ARID4B: variants seen among roughly 807,000 people sequenced by gnomAD.
ARID4B encodes AT-rich interaction domain 4B, also known as AT-rich interactive domain-containing protein 4B.
A neutral mutation model predicts 147.5 loss-of-function variants in ARID4B; 26 were observed. The ratio of observed to expected loss-of-function variants is 0.18; its 90% CI spans 0.13 to 0.24. ARID4B has a LOEUF of 0.24. ARID4B is among the 10% of genes least tolerant of loss of function. ARID4B has a pLI of 1.00. For synonymous variants in ARID4B, 512 were observed against 507.9 expected (o/e 1.01, Z -0.11); for missense variants, 1,179 against 1,511.5 (o/e 0.78, Z 3.65).
chr1:235,231,050 A>T, intron 10 of ARID4B, 63 bp downstream of exon 10: 2 of 1,162,928 alleles, frequency 1.7e-6, no homozygotes, highest in Non-Finnish European at 2.5e-6. Flanking sequence ...AGAAAAATTT[A>T]ATCTTCAAAA....
chr1:235,189,399 C>CAAAAAAAAAAAA, intron 19 of ARID4B, among the ~76,000 whole-genome samples: 1 of 58,920 alleles, frequency 1.7e-5, no homozygotes, highest in Non-Finnish European at 2.8e-5. Context: ...GACTCAGTCT[C>CAAAAAAAAAAAA]AAAAAAAAAA....
chr1:235,243,957 TGATA>T (rs1394521922), intron 7 of ARID4B, among the ~76,000 whole-genome samples: 3 of 152,176 alleles, frequency 2.0e-5, no homozygotes, highest in African/African-American at 4.8e-5. Context: ...GAATTAGTGA[TGATA>T]GTTACACAAT....
chr1:235,298,470 T>C (rs889188017), intron 2 of ARID4B, among the ~76,000 whole-genome samples: 6 of 149,296 alleles, frequency 4.0e-5, no homozygotes, highest in African/African-American at 1.5e-4. Context: ...TATATCCATA[T>C]ATATGAATAT....
chr1:235,179,879 G>A (rs570998473), intron 20 of ARID4B, among the ~76,000 whole-genome samples: 1 of 151,842 alleles, frequency 6.6e-6, no homozygotes, highest in African/African-American at 2.4e-5. Flanking sequence ...GACCATCCTG[G>A]CTAACATGGC....
intron 2 of ARID4B, among the ~76,000 whole-genome samples, chr1:235,277,622 G>GTT (rs1279119398): frequency 7.4e-6 from 1 of 135,490 alleles, no homozygotes; most frequent in African/African-American, 2.7e-5. Context: ...GTGTGTGTGT[G>GTT]TGTGTGTGTG....
chr1:235,305,747 C>T (rs1572202830), intron 2 of ARID4B, among the ~76,000 whole-genome samples: 1 of 152,016 alleles, frequency 6.6e-6, no homozygotes, highest in African/African-American at 2.4e-5. Context: ...TCACTTGAAC[C>T]GGGGAGTTCA....
At chr1:235,194,602 C>G (rs1665361968) in intron 18 of ARID4B, among the ~76,000 whole-genome samples, 1 of 152,080 alleles carries the variant, frequency 6.6e-6, no homozygotes, top group Admixed American at 6.6e-5. Flanking sequence ...AGGTGGATCA[C>G]CTGAGGTCAG....
At chr1:235,174,773 C>T (rs535493918) in intron 22 of ARID4B, among the ~76,000 whole-genome samples, 266 of 151,880 alleles carry the variant, frequency 1.8e-3, no homozygotes, top group African/African-American at 5.0e-3. Context: ...GACTATGCCA[C>T]TGCACTGCAC....
rs1472312380 is a variant in ARID4B at position 235,302,948 on chromosome 1, C to T, written c.6+23966G>A. ...TCTTCTTTTTTTCTTTTTTTTGAGACGGAGTCTCGCTCTGTCGCCTAGGCT... is the reference window on the plus strand; with the variant it reads ...TCTTCTTTTTTTCTTTTTTTTGAGATGGAGTCTCGCTCTGTCGCCTAGGCT... On this transcript the variant is annotated intron_variant, in intron 2 of 23. Transcript: ENST00000264183. 6.5e-5 allele frequency among the ~76,000 whole-genome samples: 6 copies of T among 92,426 alleles called. No individual in the cohort carries two copies. The East Asian group carries it at 1.0e-3, about 16-fold the overall frequency. 60.6% of individuals were successfully genotyped at this position (92,426 alleles called of 152,430 possible). A position where few individuals can be genotyped will look rare whatever the true frequency, so the allele number is the denominator to read the frequency against.
intron 7 of ARID4B, among the ~76,000 whole-genome samples, chr1:235,243,570 C>A (rs985891976): frequency 6.6e-6 from 1 of 152,128 alleles, no homozygotes; most frequent in African/African-American, 2.4e-5. Context: ...CAGCCAATCA[C>A]TTAAAGCTGA....
intron 2 of ARID4B, among the ~76,000 whole-genome samples, chr1:235,313,069 A>C (rs1395954830): frequency 1.3e-5 from 2 of 152,200 alleles, no homozygotes. Flanking sequence ...TTTGAGATGC[A>C]GTCTCATTCT....
At chr1:235,321,806 C>T (rs560931254) in intron 2 of ARID4B, among the ~76,000 whole-genome samples, 4 of 151,524 alleles carry the variant, frequency 2.6e-5, no homozygotes, top group Non-Finnish European at 5.9e-5. Flanking sequence ...GCCCTGAATT[C>T]TACTTCAAAA....
intron 2 of ARID4B, among the ~76,000 whole-genome samples, chr1:235,305,564 T>C (rs1673483269): frequency 6.6e-6 from 1 of 152,236 alleles, no homozygotes; most frequent in Non-Finnish European, 1.5e-5. Context: ...ACTAGTGGCA[T>C]GACCTTAGTT....
intron 16 of ARID4B, among the ~76,000 whole-genome samples, chr1:235,218,215 C>T (rs1197834424): frequency 6.6e-6 from 1 of 152,082 alleles, no homozygotes; most frequent in Admixed American, 6.6e-5. Context: ...AGGGCAGTCA[C>T]ATCAGGAAAA....
chr1:235,182,291 A>C lies in ARID4B; in HGVS notation c.2628T>G (p.Thr876=). 1 of 1,613,802 alleles carries C rather than the reference A, an allele frequency of 6.2e-7. No homozygotes were observed. Among genetic ancestry groups the C allele is most frequent in the Non-Finnish European group, 8.5e-7 (1 of 1,179,984 alleles). The change falls in exon 20 of 24, where the codon ACT becomes ACG. Residue 876 remains threonine (T), a synonymous_variant. Coordinates refer to ENST00000264183, the MANE Select transcript of ARID4B (RefSeq NM_016374.6). ...EEETKAKMTP[T]KKYNGLEEKR... ...TTTCCTCCAAACCATTGTATTTCTTAGTTGGTGTCATCTTTGCTTTTGTTT... is the reference window on the plus strand; with the variant it reads ...TTTCCTCCAAACCATTGTATTTCTTCGTTGGTGTCATCTTTGCTTTTGTTT...
At chr1:235,189,633 T>A (rs1201811183) in intron 19 of ARID4B, among the ~76,000 whole-genome samples, 1 of 151,404 alleles carries the variant, frequency 6.6e-6, no homozygotes, top group Admixed American at 6.6e-5. Context: ...CATGCACCTA[T>A]ACCCCAGCTA....
intron 8 of ARID4B, among the ~76,000 whole-genome samples, chr1:235,239,774 C>T (rs545633086): frequency 2.6e-5 from 4 of 152,068 alleles, no homozygotes; most frequent in African/African-American, 7.2e-5. Context: ...AAATATTCAA[C>T]CTGGAATCTA....
At chr1:235,302,988 C>T (rs371841222) in intron 2 of ARID4B, among the ~76,000 whole-genome samples, 4 of 151,270 alleles carry the variant, frequency 2.6e-5, no homozygotes, top group East Asian at 3.9e-4. Context: ...TGCAGTGGCG[C>T]GATCGGCTCA....
At chr1:235,186,560 G>A (rs1049844521) in intron 19 of ARID4B, among the ~76,000 whole-genome samples, 12 of 151,654 alleles carry the variant, frequency 7.9e-5, no homozygotes, top group Admixed American at 3.9e-4. Context: ...ACAGGCACAC[G>A]CCAAGCTAAT....
Sources: gnomAD v4.1 joint callset for allele counts (sites outside exome capture counted in the v4.1 genomes callset) on GRCh38, gnomAD v4.1.1 for gene constraint, MANE v1.5 for transcripts, NCBI Gene and HGNC (gene_info 2026-07-23, HGNC 2026-07-21) for gene names.